Variants in EXOSC7 observed in about 807,000 individuals in gnomAD.
EXOSC7 encodes the protein exosome component 7.
A neutral mutation model predicts 34.3 loss-of-function variants in EXOSC7; 25 were observed. That is an observed-to-expected ratio of 0.73 (90% CI 0.53 to 1.02). The LOEUF is 1.02. Among genes scored for constraint, EXOSC7 ranks in the 50% least tolerant of loss-of-function variants. The pLI, the probability that EXOSC7 is intolerant of heterozygous loss-of-function variation, is 0.00. For synonymous variants in EXOSC7, 130 were observed against 143.0 expected (o/e 0.91, Z 0.65); for missense variants, 370 against 368.5 (o/e 1.00, Z -0.03).
At chr3:45,004,363 C>G (rs150182010) in intron 5 of EXOSC7, 23 of 152,066 alleles carry the variant, frequency 1.5e-4, no homozygotes, top group African/African-American at 5.1e-4. Flanking sequence ...TCAAGCGATT[C>G]TCTTACCTCA....
intron 1 of EXOSC7, among the ~76,000 whole-genome samples, chr3:44,984,918 T>C (rs1387229250): frequency 6.6e-6 from 1 of 152,222 alleles, no homozygotes; most frequent in Non-Finnish European, 1.5e-5. Context: ...CTTTTACAAA[T>C]GAGGAAACTA....
intron 1 of EXOSC7, chr3:44,976,966 C>G (rs958558760): frequency 6.6e-6 from 1 of 152,216 alleles, no homozygotes; most frequent in African/African-American, 2.4e-5. Context: ...GTAGTCCCAG[C>G]TACTCGGGAG....
intron 3 of EXOSC7, 103 bp downstream of exon 3, chr3:44,989,747 T>C (rs1027038113): frequency 3.1e-5 from 26 of 849,976 alleles, no homozygotes; most frequent in African/African-American, 1.0e-4. Flanking sequence ...TTTATACTTA[T>C]CATTCAGCCA....
intron 5 of EXOSC7, among the ~76,000 whole-genome samples, chr3:45,002,543 G>A (rs1706910753): frequency 6.6e-6 from 1 of 152,162 alleles, no homozygotes; most frequent in Non-Finnish European, 1.5e-5. Context: ...ACTAAATGCA[G>A]TCCCCTCATC....
chr3:44,997,168 A>G lies in EXOSC7; in HGVS notation c.336A>G (p.Ile112Met), dbSNP rs1469796955. Residue 112 changes from isoleucine to methionine, a missense_variant, in exon 4 of 8, where the codon ATA (isoleucine) becomes ATG (methionine). Coordinates refer to ENST00000265564, the MANE Select transcript of EXOSC7 (RefSeq NM_015004.4). Reference protein sequence around the residue: ...GTEIANTLYRIFNNKSSVDLK... With the variant: ...GTEIANTLYRMFNNKSSVDLK... The stretch of plus-strand genomic sequence containing the variant: ...AGATCGCTAACACCCTCTATCGGAT[A>G]TTTAACAATAAAAGCAGTGTCGACT... 6.2e-7 allele frequency: 1 copy of G among 1,613,940 alleles called. No homozygotes were observed.
chr3:44,978,821 A>T (rs1483957431), intron 1 of EXOSC7, among the ~76,000 whole-genome samples: 2 of 152,206 alleles, frequency 1.3e-5, no homozygotes, highest in Admixed American at 6.5e-5. Context: ...AGGTTCAGTC[A>T]TTCGCTCATC....
At chr3:44,985,646 G>A (rs1576004331) in intron 1 of EXOSC7, among the ~76,000 whole-genome samples, 1 of 152,188 alleles carries the variant, frequency 6.6e-6, no homozygotes, top group South Asian at 2.1e-4. Context: ...CATAAAGGCA[G>A]TGTGGACCCA....
At chr3:45,001,302 G>A (rs1321539938) in intron 4 of EXOSC7, among the ~76,000 whole-genome samples, 1 of 152,026 alleles carries the variant, frequency 6.6e-6, no homozygotes, top group Non-Finnish European at 1.5e-5. Flanking sequence ...AATTAGCTGG[G>A]GGTGGTGGCG....
chr3:44,986,176 C>T (rs1183414410), intron 1 of EXOSC7, among the ~76,000 whole-genome samples: 1 of 94,836 alleles, frequency 1.1e-5, no homozygotes, highest in East Asian at 4.0e-4. Flanking sequence ...GGGCAGCGCT[C>T]CTTGGGGAGG....
Position 45,005,848 on chromosome 3 carries a change from G to A in EXOSC7, c.615+434G>A, listed in dbSNP as rs527554238. ...GAGTGGTTTTCACATAGAGGGCTGT[G>A]GAGCTGAACATCAGGCTGATGTGAT... On this transcript the variant is annotated intron_variant, in intron 6 of 7. Coordinates refer to ENST00000265564, the MANE Select transcript of EXOSC7 (RefSeq NM_015004.4). Among the ~76,000 whole-genome samples, 2 of 152,216 alleles carry A rather than the reference G, an allele frequency of 1.3e-5. 1 individual carries two copies. The highest frequency in any genetic ancestry group is 4.8e-5 in the African/African-American group (2 of 41,528).
chr3:44,985,941 A>C (rs934154836), intron 1 of EXOSC7, among the ~76,000 whole-genome samples: 23 of 152,078 alleles, frequency 1.5e-4, no homozygotes, highest in Non-Finnish European at 1.0e-4. Context: ...AGGTTCTCCA[A>C]GTCCCCACCA....
chr3:45,000,188 G>A (rs368765243), intron 4 of EXOSC7, among the ~76,000 whole-genome samples: 48 of 152,312 alleles, frequency 3.2e-4, no homozygotes, highest in African/African-American at 1.1e-3. Context: ...GAACTTTGCT[G>A]CACTAACAAC....
chr3:44,980,837 C>A (rs376809873), intron 1 of EXOSC7, among the ~76,000 whole-genome samples: 45 of 152,330 alleles, frequency 3.0e-4, no homozygotes, highest in African/African-American at 1.1e-3. Context: ...TCCTTTAGAA[C>A]CCTATATTGC....
chr3:44,979,873 A>G (rs1006147653), intron 1 of EXOSC7, among the ~76,000 whole-genome samples: 1 of 152,108 alleles, frequency 6.6e-6, no homozygotes, highest in Non-Finnish European at 1.5e-5. Context: ...GGATCATTTT[A>G]GTTATTGGCA....
intron 3 of EXOSC7, among the ~76,000 whole-genome samples, chr3:44,994,435 T>A (rs1706661158): frequency 1.3e-5 from 2 of 151,868 alleles, no homozygotes; most frequent in African/African-American, 4.8e-5. Flanking sequence ...TCCATCATTC[T>A]CTATTAGTTA....
At chr3:45,000,917 G>A (rs1401762341) in intron 4 of EXOSC7, among the ~76,000 whole-genome samples, 1 of 152,126 alleles carries the variant, frequency 6.6e-6, no homozygotes, top group Non-Finnish European at 1.5e-5. Flanking sequence ...ACAAGCCATG[G>A]CCTCTGAGTG....
chr3:45,008,498 G>C (rs1421367802), intron 7 of EXOSC7, among the ~76,000 whole-genome samples: 1 of 152,228 alleles, frequency 6.6e-6, no homozygotes, highest in Non-Finnish European at 1.5e-5. Context: ...TCCCAACCAT[G>C]GGCTGTGAGG....
At chr3:45,009,120 G>A (rs1227540596) in intron 7 of EXOSC7, among the ~76,000 whole-genome samples, 1 of 152,142 alleles carries the variant, frequency 6.6e-6, no homozygotes, top group Admixed American at 6.5e-5. Context: ...ACTGTGCAAT[G>A]TCAGCCTTAT....
chr3:45,005,499 TAAG>T (rs1707010366), intron 6 of EXOSC7, 85 bp downstream of exon 6: 11 of 1,390,960 alleles, frequency 7.9e-6, no homozygotes, highest in Non-Finnish European at 1.1e-5. Flanking sequence ...CTTAATAAGT[TAAG>T]AAGTTGTAAT....
Sources: gnomAD v4.1 joint callset for allele counts (sites outside exome capture counted in the v4.1 genomes callset) on GRCh38, gnomAD v4.1.1 for gene constraint, MANE v1.5 for transcripts, NCBI Gene and HGNC (gene_info 2026-07-23, HGNC 2026-07-21) for gene names.